The following POLA1 variants were observed in gnomAD, a reference collection of about 807,000 sequenced individuals.
POLA1 encodes the protein DNA polymerase alpha 1, catalytic subunit, also known as DNA polymerase alpha catalytic subunit.
In POLA1, 15 loss-of-function variants were observed where a neutral mutation model predicts 124.0. That is an observed-to-expected ratio of 0.12 (90% confidence interval 0.08 to 0.19). POLA1 has a LOEUF of 0.19. Ranked by LOEUF, POLA1 falls within the 10% of genes least tolerant of loss-of-function variation. POLA1 has a pLI of 1.00. For missense variants in POLA1, 886 were observed against 1,103.4 expected (o/e 0.80, Z 2.79); for synonymous variants, 408 against 389.4 (o/e 1.05, Z -0.56).
intron 26 of POLA1, among the ~76,000 whole-genome samples, chrX:24,767,248 A>T (rs1045942746): frequency 5.4e-5 from 6 of 112,014 alleles, no homozygotes; most frequent in Non-Finnish European, 1.1e-4. Flanking sequence ...GGAGGAAAAA[A>T]TGTAGCTATA....
rs1368394983 is a variant in POLA1 at position 24,996,955 on chromosome X, T to C, written c.*1005T>C. On this transcript the variant is annotated 3_prime_UTR_variant, in exon 37 of 37. Coordinates refer to ENST00000379068, the MANE Select transcript of POLA1 (RefSeq NM_001330360.2). Reference sequence around the variant, plus strand: ...ATAAAAGAAAAAGTATGTTGTGCCTTCTTCTTAAGAATAAAGTTTTCTAAA... The same window carrying C: ...ATAAAAGAAAAAGTATGTTGTGCCTCCTTCTTAAGAATAAAGTTTTCTAAA... The C allele has an allele frequency of 2.7e-5, 3 of 111,616 alleles. No individual in the cohort carries two copies. The highest frequency in any genetic ancestry group is 9.5e-5 in the Admixed American group (1 of 10,476). The allele number at this position is 111,616 out of a possible 1,213,427, so 9.2% of individuals were successfully genotyped here.
intron 35 of POLA1, among the ~76,000 whole-genome samples, chrX:24,922,990 T>G: frequency 8.9e-6 from 1 of 111,836 alleles, no homozygotes. Flanking sequence ...TGACATTAGG[T>G]TAACCTAGAA....
chrX:24,980,707 T>G (rs1238008786), intron 36 of POLA1, among the ~76,000 whole-genome samples: 3 of 110,904 alleles, frequency 2.7e-5, no homozygotes, highest in Non-Finnish European at 5.7e-5. Flanking sequence ...AAAGATGGGC[T>G]TTTCACTTGT....
intron 15 of POLA1, among the ~76,000 whole-genome samples, chrX:24,731,900 AATTTT>A (rs1182254131): frequency 8.9e-6 from 1 of 111,897 alleles, no homozygotes; most frequent in Non-Finnish European, 1.9e-5. Flanking sequence ...TACAGGAGTT[AATTTT>A]ATTTTGTCTA....
chrX:24,820,719 T>C (rs2046073282), intron 30 of POLA1, among the ~76,000 whole-genome samples: 1 of 110,283 alleles, frequency 9.1e-6, no homozygotes, highest in African/African-American at 3.3e-5. Flanking sequence ...GAGGTTTTTT[T>C]TTTTTTTGGA....
intron 20 of POLA1, among the ~76,000 whole-genome samples, chrX:24,741,142 T>C (rs1931622177): frequency 1.2e-5 from 1 of 84,147 alleles, no homozygotes; most frequent in Admixed American, 1.4e-4. Flanking sequence ...TGTGTGTGTG[T>C]GTGTGCGCGC....
chrX:24,816,977 A>G (rs1362819099), intron 30 of POLA1, among the ~76,000 whole-genome samples: 3 of 112,115 alleles, frequency 2.7e-5, no homozygotes, highest in Non-Finnish European at 3.8e-5. Flanking sequence ...ATCCTCATGT[A>G]TTCATTAGTC....
At chrX:24,829,498 C>G (rs866097267) in intron 32 of POLA1, among the ~76,000 whole-genome samples, 3 of 111,562 alleles carry the variant, frequency 2.7e-5, no homozygotes, top group Non-Finnish European at 5.6e-5. Context: ...TCCTTCTGCC[C>G]CCTTCCAGGA....
chrX:24,757,435 A>ATTTTTTTTTTT (rs1569298336), intron 26 of POLA1, among the ~76,000 whole-genome samples: 4 of 64,642 alleles, frequency 6.2e-5, no homozygotes, highest in African/African-American at 4.8e-4. Flanking sequence ...AAAATCTGAA[A>ATTTTTTTTTTT]CTTTTTTTTT....
intron 36 of POLA1, among the ~76,000 whole-genome samples, chrX:24,977,548 G>GGT (rs1479220815): frequency 8.9e-6 from 1 of 112,043 alleles, no homozygotes; most frequent in African/African-American, 3.3e-5. Context: ...TTTCATTTAT[G>GGT]GTGCTGGGTA....
intron 35 of POLA1, among the ~76,000 whole-genome samples, chrX:24,926,629 A>G (rs764314679): frequency 1.6e-3 from 178 of 111,943 alleles, no homozygotes; most frequent in Non-Finnish European, 2.6e-3. Flanking sequence ...ATTTTGGATA[A>G]CATAAATTCC....
chrX:24,984,747 C>T (rs112454845), intron 36 of POLA1, among the ~76,000 whole-genome samples: 4 of 105,605 alleles, frequency 3.8e-5, no homozygotes, highest in African/African-American at 1.0e-4. Context: ...GCAAGCTCCG[C>T]CTCCCGGGTT....
intron 35 of POLA1, among the ~76,000 whole-genome samples, chrX:24,920,938 G>A (rs1037151302): frequency 8.9e-6 from 1 of 112,298 alleles, no homozygotes; most frequent in Non-Finnish European, 1.9e-5. Context: ...GTGAGATGAT[G>A]TTTGGAAATA....
chrX:24,995,797 C>T lies in POLA1; in HGVS notation c.4262-8C>T. 8.4e-7 allele frequency: 1 copy of T among 1,195,430 alleles called. No individual in the cohort carries two copies. Among genetic ancestry groups the T allele is most frequent in the Non-Finnish European group, 1.1e-6 (1 of 882,056 alleles). The stretch of plus-strand genomic sequence containing the variant: ...TGAGACTTCTAATCTCTCTCTCTCT[C>T]TTTTTAGATAAATTGAAGAAGCAAT... On this transcript the variant is annotated splice_region_variant and splice_polypyrimidine_tract_variant and intron_variant, in intron 36 of 36. Coordinates refer to ENST00000379068, the MANE Select transcript of POLA1 (RefSeq NM_001330360.2).
intron 26 of POLA1, among the ~76,000 whole-genome samples, chrX:24,808,787 C>T (rs919204317): frequency 1.8e-5 from 2 of 111,544 alleles, no homozygotes; most frequent in African/African-American, 6.5e-5. Flanking sequence ...ATAGGGAAGA[C>T]GAGAAAGAAA....
At chrX:24,869,985 A>G (rs1208935373) in intron 34 of POLA1, among the ~76,000 whole-genome samples, 1 of 112,255 alleles carries the variant, frequency 8.9e-6, no homozygotes, top group Non-Finnish European at 1.9e-5. Context: ...AAATATGTAC[A>G]AAGTACAGCC....
intron 26 of POLA1, among the ~76,000 whole-genome samples, chrX:24,749,886 A>G (rs1042540506): frequency 2.7e-5 from 3 of 112,163 alleles, no homozygotes; most frequent in African/African-American, 6.5e-5. Context: ...CTTAATTTGT[A>G]AAAGAATAGT....
intron 34 of POLA1, among the ~76,000 whole-genome samples, 157 bp downstream of exon 34, chrX:24,843,834 T>A (rs1469420721): frequency 1.8e-5 from 2 of 112,274 alleles, no homozygotes; most frequent in Non-Finnish European, 3.8e-5. Flanking sequence ...AATTTTGGCA[T>A]ATTAGCATGA....
At chrX:24,711,851 G>A (rs1208781611) in intron 4 of POLA1, among the ~76,000 whole-genome samples, 1 of 111,893 alleles carries the variant, frequency 8.9e-6, no homozygotes, top group African/African-American at 3.2e-5. Context: ...ACCCGCCTTG[G>A]CCTCCCAAAG....
Sources: gnomAD v4.1 joint callset for allele counts (sites outside exome capture counted in the v4.1 genomes callset) on GRCh38, gnomAD v4.1.1 for gene constraint, MANE v1.5 for transcripts, NCBI Gene and HGNC (gene_info 2026-07-23, HGNC 2026-07-21) for gene names.